The following ITGA1 variants were observed in gnomAD, a reference collection of about 807,000 sequenced individuals.
The protein encoded by ITGA1 is integrin alpha-1.
In ITGA1, 85 loss-of-function variants were observed where a neutral mutation model predicts 145.9. The observed-to-expected ratio is 0.58, with a 90% CI of 0.49 to 0.70. The LOEUF is 0.70. ITGA1 is among the 30% of genes least tolerant of loss of function. The pLI is 0.00. For synonymous variants in ITGA1, 520 were observed against 495.3 expected (o/e 1.05, Z -0.66); for missense variants, 1,351 against 1,418.7 (o/e 0.95, Z 0.77).
Position 52,898,289 on chromosome 5 carries a change from T to C in ITGA1, c.1215T>C (p.Val405=), listed in dbSNP as rs1750262422. 1 of 1,611,910 alleles carries C rather than the reference T, an allele frequency of 6.2e-7. No individual in the cohort carries two copies. Among genetic ancestry groups the C allele is most frequent in the African/African-American group, 1.3e-5 (1 of 74,858 alleles). Residue 405 remains valine (V), a synonymous_variant, in exon 11 of 29, where the codon GTT becomes GTC. Transcript: ENST00000282588. ...GAGCCTATGATTGGAATGGAACAGTTGTCATGCAGAAGGCTAGTCAAATCA... is the reference window on the plus strand; with the variant it reads ...GAGCCTATGATTGGAATGGAACAGTCGTCATGCAGAAGGCTAGTCAAATCA... ...AVGAYDWNGT[V]VMQKASQIII...
At chr5:52,943,423 T>C (rs940475662) in intron 26 of ITGA1, among the ~76,000 whole-genome samples, 1 of 152,204 alleles carries the variant, frequency 6.6e-6, no homozygotes, top group Non-Finnish European at 1.5e-5. Flanking sequence ...CAGGAGTGTT[T>C]ATTAGCAAAG....
In ITGA1 at chr5:52,820,266, C is replaced by T. The variant is rs1304046592; in HGVS notation, c.62-29099C>T. 6.7e-5 allele frequency among the ~76,000 whole-genome samples: 10 copies of T among 149,874 alleles called. No homozygotes were observed. The East Asian group carries it at 1.6e-3, about 24-fold the overall frequency. On this transcript the variant is annotated intron_variant, in intron 1 of 28. Coordinates refer to ENST00000282588, the MANE Select transcript of ITGA1 (RefSeq NM_181501.2). The stretch of plus-strand genomic sequence containing the variant: ...GAAACCATCATTCTCAGCAAACTAT[C>T]GCAAGGACAAAAAACCAAACACCAC...
Position 52,925,460 on chromosome 5 carries a change from T to C in ITGA1, c.2586T>C (p.Ser862=), listed in dbSNP as rs762532043. 1.3e-5 allele frequency: 21 copies of C among 1,613,474 alleles called. No individual in the cohort carries two copies. The highest frequency in any genetic ancestry group is 1.8e-5 in the Non-Finnish European group (21 of 1,179,660). Residue 862 remains serine (S), a synonymous_variant, in exon 19 of 29, where the codon TCT becomes TCC. Transcript: ENST00000282588. ...ACACCAGGACAATAGTGCATTATTC[T>C]CCAAATCTAGTTTTTTCAGGAATTG... ...AYNTRTIVHY[S]PNLVFSGIEA...
chr5:52,870,420 C>G (rs1487596351), intron 6 of ITGA1, among the ~76,000 whole-genome samples: 2 of 139,474 alleles, frequency 1.4e-5, no homozygotes, highest in African/African-American at 5.5e-5. Context: ...CTCATCCATA[C>G]CAAATTTCTA....
chr5:52,920,402 G>A lies in ITGA1; in HGVS notation c.2226G>A (p.Glu742=), dbSNP rs753163315. 15 of 1,612,564 alleles carry A rather than the reference G, an allele frequency of 9.3e-6. No individual in the cohort carries two copies. Among genetic ancestry groups the A allele is most frequent in the African/African-American group, 1.3e-5 (1 of 74,862 alleles). Residue 742 remains glutamate, a synonymous_variant, in exon 17 of 29, where the codon GAG becomes GAA. Transcript: ENST00000282588. ...GAAGTTTTTTCTCTGGAACTCAAGA[G>A]AGAAAGGTTCAAAGGAACATCACAG... is the stretch of plus-strand genomic sequence containing the variant. ...ISRSFFSGTQ[E]RKVQRNITVR...
intron 15 of ITGA1, 126 bp downstream of exon 15, chr5:52,915,720 A>T (rs1392948310): frequency 1.7e-6 from 2 of 1,180,532 alleles, no homozygotes; most frequent in Admixed American, 2.4e-5. Context: ...AATACAAGTT[A>T]TTCAGTTGAG....
chr5:52,906,907 G>GC (rs1355183016), intron 12 of ITGA1, among the ~76,000 whole-genome samples: 2 of 152,176 alleles, frequency 1.3e-5, no homozygotes, highest in African/African-American at 4.8e-5. Flanking sequence ...AAAGCCCCAT[G>GC]CCCTGCAGGA....
chr5:52,818,769 G>A (rs188691048), intron 1 of ITGA1, among the ~76,000 whole-genome samples: 26 of 152,014 alleles, frequency 1.7e-4, no homozygotes, highest in Non-Finnish European at 3.5e-4. Flanking sequence ...ACATTAGAAA[G>A]GTATCTAATT....
intron 1 of ITGA1, among the ~76,000 whole-genome samples, chr5:52,841,763 A>G (rs1262726412): frequency 6.6e-6 from 1 of 152,336 alleles, no homozygotes; most frequent in East Asian, 1.9e-4. Context: ...ATCTGAATTT[A>G]GTAGGTAAAA....
At chr5:52,849,682 C>T (rs1749399168) in intron 2 of ITGA1, among the ~76,000 whole-genome samples, 197 bp downstream of exon 2, 1 of 151,888 alleles carries the variant, frequency 6.6e-6, no homozygotes, top group African/African-American at 2.4e-5. Flanking sequence ...TTAGAGGAAG[C>T]GATTAGTGAT....
chr5:52,805,265 A>G (rs1385827024), intron 1 of ITGA1, among the ~76,000 whole-genome samples: 3 of 152,176 alleles, frequency 2.0e-5, no homozygotes, highest in Non-Finnish European at 4.4e-5. Flanking sequence ...AGGAGAAACA[A>G]TTACAAAGCT....
rs1751303263 is a variant in ITGA1 at position 52,956,211 on chromosome 5, G to A, written c.*3760G>A. ...TCCATGGAGTGTGCCTTCACGCGGG[G>A]GAATGTCCTTGTCCAACACGCTGTA... On this transcript the variant is annotated 3_prime_UTR_variant, in exon 29 of 29. Transcript: ENST00000282588. 1 of 152,104 alleles carries A rather than the reference G, an allele frequency of 6.6e-6. No homozygotes were observed. The highest frequency in any genetic ancestry group is 1.5e-5 in the Non-Finnish European group (1 of 68,050). 9.4% of individuals were successfully genotyped at this position (152,104 alleles called of 1,614,324 possible).
chr5:52,918,194 C>T (rs954004625), intron 15 of ITGA1, among the ~76,000 whole-genome samples: 14 of 152,100 alleles, frequency 9.2e-5, no homozygotes, highest in South Asian at 2.1e-4. Flanking sequence ...AGTTATCAAA[C>T]GTAAAACAAA....
chr5:52,824,063 A>T (rs1481422442), intron 1 of ITGA1, among the ~76,000 whole-genome samples: 3 of 152,056 alleles, frequency 2.0e-5, no homozygotes, highest in African/African-American at 7.2e-5. Flanking sequence ...ATGATCTGGG[A>T]CCTAATTTTC....
intron 6 of ITGA1, chr5:52,867,010 A>C (rs964275088): frequency 2.0e-5 from 3 of 148,318 alleles, no homozygotes; most frequent in African/African-American, 7.4e-5. Flanking sequence ...CAATACAGTG[A>C]TCTTCCTTTT....
intron 6 of ITGA1, among the ~76,000 whole-genome samples, chr5:52,877,903 C>A (rs1749892511): frequency 6.6e-6 from 1 of 152,200 alleles, no homozygotes; most frequent in African/African-American, 2.4e-5. Context: ...CTCCCAGAAG[C>A]AAACCCTGAG....
intron 1 of ITGA1, chr5:52,800,051 G>C (rs566981532): frequency 2.9e-4 from 93 of 318,190 alleles, no homozygotes; most frequent in Non-Finnish European, 4.5e-4. Flanking sequence ...TTGGGGACGG[G>C]AGACGTGCGT....
chr5:52,911,123 T>C (rs1355039666), intron 14 of ITGA1, among the ~76,000 whole-genome samples: 1 of 136,556 alleles, frequency 7.3e-6, no homozygotes, highest in Non-Finnish European at 1.5e-5. Context: ...ATATAGTGTA[T>C]ATATAGTTTA....
chr5:52,936,950 A>T (rs1217130200), intron 23 of ITGA1, among the ~76,000 whole-genome samples: 1 of 151,724 alleles, frequency 6.6e-6, no homozygotes. Context: ...GAGATGATTT[A>T]TGGGTTTAAG....
Sources: gnomAD v4.1 joint callset for allele counts (sites outside exome capture counted in the v4.1 genomes callset) on GRCh38, gnomAD v4.1.1 for gene constraint, MANE v1.5 for transcripts, NCBI Gene and HGNC (gene_info 2026-07-23, HGNC 2026-07-21) for gene names.